The following AGBL4 variants were observed in gnomAD, a reference collection of about 807,000 sequenced individuals.
The protein encoded by AGBL4 is cytosolic carboxypeptidase 6.
AGBL4 carries 58 observed loss-of-function variants against 66.4 expected under a neutral mutation model. The ratio of observed to expected loss-of-function variants is 0.87; its 90% confidence interval spans 0.71 to 1.09. The LOEUF (loss-of-function observed/expected upper bound fraction) is 1.09, where lower values mean the gene tolerates loss of function less well. Among genes scored for constraint, AGBL4 ranks in the 50% least tolerant of loss-of-function variants. AGBL4 has a pLI of 0.00. For missense variants in AGBL4, 579 were observed against 631.0 expected, an observed-to-expected ratio of 0.92 and a Z score of 0.88; for synonymous variants, 234 against 222.9, an observed-to-expected ratio of 1.05 and a Z score of -0.44.
chr1:49,515,688 C>A (rs527706062), intron 3 of AGBL4, among the ~76,000 whole-genome samples: 1 of 151,694 alleles, frequency 6.6e-6, no homozygotes, highest in African/African-American at 2.4e-5. Flanking sequence ...CACATATACA[C>A]CATGGAATAC....
chr1:48,545,729 A>C (rs914927815), intron 11 of AGBL4, among the ~76,000 whole-genome samples: 2 of 152,328 alleles, frequency 1.3e-5, no homozygotes, highest in Middle Eastern at 3.4e-3. Context: ...CAAAGCAATA[A>C]ACCAGGAGAA....
At chr1:48,768,762 AG>A (rs1644658940) in intron 6 of AGBL4, among the ~76,000 whole-genome samples, 1 of 152,236 alleles carries the variant, frequency 6.6e-6, no homozygotes. Flanking sequence ...TGCTTTGTAA[AG>A]GTCTTATAAA....
At chr1:49,267,555 C>T (rs982577976) in intron 3 of AGBL4, among the ~76,000 whole-genome samples, 1 of 152,048 alleles carries the variant, frequency 6.6e-6, no homozygotes, top group Non-Finnish European at 1.5e-5. Flanking sequence ...TGGCACACGC[C>T]TGTAGTCCAA....
chr1:48,896,259 T>C (rs1205945375), intron 5 of AGBL4, among the ~76,000 whole-genome samples: 1 of 152,242 alleles, frequency 6.6e-6, no homozygotes, highest in African/African-American at 2.4e-5. Context: ...GTTTAACTCC[T>C]CTCACATTGT....
At chr1:49,490,273 G>T (rs919854395) in intron 3 of AGBL4, among the ~76,000 whole-genome samples, 1 of 151,636 alleles carries the variant, frequency 6.6e-6, no homozygotes, top group African/African-American at 2.4e-5. Context: ...CTATTGAGAT[G>T]AACATATTGA....
chr1:49,274,505 C>G (rs2148392773), intron 3 of AGBL4, among the ~76,000 whole-genome samples: 1 of 152,054 alleles, frequency 6.6e-6, no homozygotes, highest in South Asian at 2.1e-4. Flanking sequence ...AATTGTATGC[C>G]ATAGAAATAA....
At chr1:48,858,817 T>G (rs760044131) in intron 6 of AGBL4, among the ~76,000 whole-genome samples, 6 of 152,140 alleles carry the variant, frequency 3.9e-5, no homozygotes, top group African/African-American at 7.2e-5. Flanking sequence ...TAATGAGGAT[T>G]TTATGGCATG....
chr1:49,681,600 T>C (rs1167735660), intron 3 of AGBL4, among the ~76,000 whole-genome samples: 3 of 152,218 alleles, frequency 2.0e-5, no homozygotes, highest in Non-Finnish European at 4.4e-5. Flanking sequence ...AGTCTTCTTA[T>C]GTTTTATATA....
At chr1:49,717,064 G>T (rs773589909) in intron 2 of AGBL4, among the ~76,000 whole-genome samples, 1 of 152,076 alleles carries the variant, frequency 6.6e-6, no homozygotes, top group African/African-American at 2.4e-5. Context: ...AAGCTGATAA[G>T]CAACCTCAGC....
rs543563647 is a variant in AGBL4, at chr1:48,916,595, T to C, written c.595-49365A>G. On this transcript the variant is annotated intron_variant, in intron 5 of 13. Transcript: ENST00000371839. ...ACCTTTCTTGCATTTGATGTTTCCT[T>C]GTTCAAAAAAACCTGTGACTGATGA... 4.6e-5 allele frequency among the ~76,000 whole-genome samples: 7 copies of C among 152,274 alleles called. No homozygotes were observed. In the South Asian group the frequency reaches 1.2e-3, roughly 27 times the overall value.
Position 49,823,672 on chromosome 1 carries a change from G to T in AGBL4, c.157+27724C>A, listed in dbSNP as rs541396870. 2.6e-5 allele frequency among the ~76,000 whole-genome samples: 4 copies of T among 152,052 alleles called. No homozygotes were observed. In the East Asian group the frequency reaches 7.8e-4, roughly 30 times the overall value. ...TGGGTAGGGAATCATCCAGAAACAT[G>T]GTAAAGCAGCCATAGAGAACTAAGG... is the stretch of plus-strand genomic sequence containing the variant. On this transcript the variant is annotated intron_variant, in intron 2 of 13. Transcript: ENST00000371839.
intron 6 of AGBL4, among the ~76,000 whole-genome samples, chr1:48,852,615 CAA>C (rs1489986363): frequency 1.3e-5 from 2 of 152,144 alleles, no homozygotes; most frequent in Non-Finnish European, 2.9e-5. Flanking sequence ...CTTAGTCCAG[CAA>C]ATAGAAAATG....
At chr1:49,292,987 G>C (rs1644571577) in intron 3 of AGBL4, among the ~76,000 whole-genome samples, 1 of 152,224 alleles carries the variant, frequency 6.6e-6, no homozygotes, top group Admixed American at 6.5e-5. Context: ...TGTGGGCAAA[G>C]AAAAGGAGAA....
chr1:49,517,731 T>G (rs1178833782), intron 3 of AGBL4, among the ~76,000 whole-genome samples: 3 of 152,002 alleles, frequency 2.0e-5, no homozygotes, highest in African/African-American at 7.2e-5. Flanking sequence ...TTACAAAAAA[T>G]TAAAATATAG....
chr1:49,935,588 A>C (rs1460477503), intron 1 of AGBL4, among the ~76,000 whole-genome samples: 1 of 152,146 alleles, frequency 6.6e-6, no homozygotes, highest in Non-Finnish European at 1.5e-5. Context: ...GCACCCCCCC[A>C]GTAGGGGCAG....
chr1:48,672,720 G>A (rs889757400), intron 6 of AGBL4, among the ~76,000 whole-genome samples: 5 of 152,212 alleles, frequency 3.3e-5, no homozygotes, highest in African/African-American at 4.8e-5. Context: ...ACATCACAGA[G>A]TAGAAATGTG....
chr1:49,591,585 T>C (rs555668183), intron 3 of AGBL4, among the ~76,000 whole-genome samples: 1 of 152,238 alleles, frequency 6.6e-6, no homozygotes, highest in South Asian at 2.1e-4. Flanking sequence ...AAGAAAAAAC[T>C]ATTTTAAAAT....
intron 3 of AGBL4, among the ~76,000 whole-genome samples, chr1:49,506,788 G>C (rs1327140913): frequency 6.6e-6 from 1 of 151,990 alleles, no homozygotes; most frequent in Non-Finnish European, 1.5e-5. Context: ...AGTCAATGTT[G>C]CCTATCAGCA....
At chr1:49,435,010 G>C (rs991680871) in intron 3 of AGBL4, among the ~76,000 whole-genome samples, 1 of 151,880 alleles carries the variant, frequency 6.6e-6, no homozygotes, top group Non-Finnish European at 1.5e-5. Flanking sequence ...CAGATTAGCT[G>C]TCTCCTTCTC....
Sources: gnomAD v4.1 joint callset for allele counts (sites outside exome capture counted in the v4.1 genomes callset) on GRCh38, gnomAD v4.1.1 for gene constraint, MANE v1.5 for transcripts, NCBI Gene and HGNC (gene_info 2026-07-23, HGNC 2026-07-21) for gene names.